PCDHGA5: variants seen among roughly 807,000 people sequenced by gnomAD.
PCDHGA5 encodes the protein protocadherin gamma subfamily A, 5, also known as protocadherin gamma-A5.
Under a neutral mutation model 56.7 loss-of-function variants are expected in PCDHGA5, and 36 were observed. That is an observed-to-expected ratio of 0.64 (90% CI 0.49 to 0.84). PCDHGA5 has a LOEUF of 0.84. Ranked by LOEUF, PCDHGA5 falls within the 40% of genes least tolerant of loss-of-function variation. The probability of loss-of-function intolerance (pLI) is 0.00; values close to 1 mark genes in which losing one functional copy is unlikely to be tolerated. For synonymous variants in PCDHGA5, 563 were observed against 520.2 expected, an observed-to-expected ratio of 1.08 and a Z score of -1.12; for missense variants, 1,305 against 1,201.5, an observed-to-expected ratio of 1.09 and a Z score of -1.27.
At chr5:141,385,079 C>A in intron 1 of PCDHGA5, 1 of 1,614,226 alleles carries the variant, frequency 6.2e-7, no homozygotes, top group Non-Finnish European at 8.5e-7. Context: ...CTGCTGCAGG[C>A]TTCAGAAGGT....
rs72790032 is a variant in PCDHGA5 at position 141,393,544 on chromosome 5, A to G, written c.2421+26793A>G. On this transcript the variant is annotated intron_variant, in intron 1 of 3. Coordinates refer to ENST00000518069, the MANE Select transcript of PCDHGA5 (RefSeq NM_018918.3). ...AATGACAATGCCCCGGTTTTTCCTC[A>G]CCCGATTTACCGAGTGAAAGTCCTT... 18,579 of 1,613,800 alleles carry G rather than the reference A, an allele frequency of 0.012. 149 individuals carry two copies. The highest frequency in any genetic ancestry group is 0.014 in the Non-Finnish European group (16,983 of 1,179,880).
rs1317111249 is a variant in PCDHGA5, at chr5:141,413,333, C to A, written c.2421+46582C>A. 3.1e-6 allele frequency: 5 copies of A among 1,613,966 alleles called. No individual in the cohort carries two copies. The Admixed American group carries it at 6.7e-5, about 22-fold the overall frequency. On this transcript the variant is annotated intron_variant, in intron 1 of 3. Coordinates refer to ENST00000518069, the MANE Select transcript of PCDHGA5 (RefSeq NM_018918.3). ...AAAGGCTCTTTCGTGGGCAACATCTCCAAGGACTTGGGTCTGGCGCCCCGG... is the reference window on the plus strand; with the variant it reads ...AAAGGCTCTTTCGTGGGCAACATCTACAAGGACTTGGGTCTGGCGCCCCGG...
intron 2 of PCDHGA5, among the ~76,000 whole-genome samples, chr5:141,496,206 A>C (rs2099766963): frequency 6.6e-6 from 1 of 152,126 alleles, no homozygotes; most frequent in South Asian, 2.1e-4. Context: ...TCAATCTGGT[A>C]TGAATTCCTG....
chr5:141,372,098 G>C (rs2149999180), intron 1 of PCDHGA5: 1 of 1,613,794 alleles, frequency 6.2e-7, no homozygotes, highest in Middle Eastern at 1.7e-4. Flanking sequence ...CAGCTCTGGG[G>C]CCCGAAGGCT....
chr5:141,418,080 A>T (rs1590086455), intron 1 of PCDHGA5: 1 of 1,614,046 alleles, frequency 6.2e-7, no homozygotes, highest in East Asian at 2.2e-5. Flanking sequence ...GAGAAGCTGC[A>T]CTTCAGCGTA....
intron 1 of PCDHGA5, chr5:141,394,844 T>C (rs2093111751): frequency 6.2e-7 from 1 of 1,613,752 alleles, no homozygotes. Context: ...AGTTGGGCAG[T>C]CTGAAGCCTT....
At position 141,375,585 on chromosome 5, in the gene PCDHGA5, T is replaced by A. The variant is rs765334095; in HGVS notation, c.2421+8834T>A. 3.1e-6 allele frequency: 5 copies of A among 1,614,014 alleles called. No individual in the cohort carries two copies. The African/African-American group carries it at 6.7e-5, about 22-fold the overall frequency. ...GAAGACACCCTCCAGGGGGCGCCCC[T>A]GTCCTCCTACGTGTCCATCAACTCC... On this transcript the variant is annotated intron_variant, in intron 1 of 3. Transcript: ENST00000518069.
chr5:141,415,210 C>G lies in PCDHGA5; in HGVS notation c.2421+48459C>G, dbSNP rs2095843973. The G allele has an allele frequency of 2.5e-6, 4 of 1,614,068 alleles. No individual in the cohort carries two copies. The highest frequency in any genetic ancestry group is 1.6e-4 in the Middle Eastern group (1 of 6,062). ...CAGCATCCCCCAAGTCCTGGCGGAC[C>G]TCGGCAGCTTCGAGTCTCCAGCTAA... is the stretch of plus-strand genomic sequence containing the variant. On this transcript the variant is annotated intron_variant, in intron 1 of 3. Coordinates refer to ENST00000518069, the MANE Select transcript of PCDHGA5 (RefSeq NM_018918.3).
intron 1 of PCDHGA5, among the ~76,000 whole-genome samples, chr5:141,464,885 G>T (rs1592925315): frequency 6.6e-6 from 1 of 152,020 alleles, no homozygotes; most frequent in East Asian, 1.9e-4. Flanking sequence ...ACTACAGATG[G>T]ATGCCACCAT....
Position 141,404,829 on chromosome 5 carries a change from T to C in PCDHGA5, c.2421+38078T>C. Reference sequence around the variant, plus strand: ...TCGGTGGGGCTGCACACAGGTGAAGTGCGCACAGCTCGGGCCCTGCTAGAT... The same window carrying C: ...TCGGTGGGGCTGCACACAGGTGAAGCGCGCACAGCTCGGGCCCTGCTAGAT... On this transcript the variant is annotated intron_variant, in intron 1 of 3. Transcript: ENST00000518069. 1.9e-6 allele frequency: 3 copies of C among 1,608,020 alleles called. No individual in the cohort carries two copies. The South Asian group carries it at 3.3e-5, about 18-fold the overall frequency.
chr5:141,381,834 T>TTCTTTCTTTCTTTCTTTCTTCTTC, intron 1 of PCDHGA5, among the ~76,000 whole-genome samples: 1 of 140,162 alleles, frequency 7.1e-6, no homozygotes, highest in African/African-American at 2.8e-5. Flanking sequence ...TTCTTTTTTT[T>TTCTTTCTTTCTTTCTTTCTTCTTC]TTTTTTTTTT....
chr5:141,466,552 G>C lies in PCDHGA5; in HGVS notation c.2422-28255G>C, dbSNP rs913019489. On this transcript the variant is annotated intron_variant, in intron 1 of 3. Coordinates refer to ENST00000518069, the MANE Select transcript of PCDHGA5 (RefSeq NM_018918.3). ...ATTGATGTAGATGGTCTTTTGCTGTGGGCTTCATCTTCAACATTGTCTCAT... is the reference window on the plus strand; with the variant it reads ...ATTGATGTAGATGGTCTTTTGCTGTCGGCTTCATCTTCAACATTGTCTCAT... 2.6e-5 allele frequency among the ~76,000 whole-genome samples: 4 copies of C among 152,144 alleles called. No homozygotes were observed. The South Asian group carries it at 8.3e-4, about 32-fold the overall frequency.
chr5:141,476,766 T>C lies in PCDHGA5; in HGVS notation c.2422-18041T>C. ...AGTCTCCAGTTAGTGCTGACGGCGT[T>C]GGACGGAGGGACCCCAGCTCTCTCC... On this transcript the variant is annotated intron_variant, in intron 1 of 3. Coordinates refer to ENST00000518069, the MANE Select transcript of PCDHGA5 (RefSeq NM_018918.3). This position sits in a 1 kb window ranked among gnomAD's most constrained non-coding sequence, Gnocchi z 7.6. The C allele has an allele frequency of 1.9e-6, 3 of 1,613,626 alleles. No individual in the cohort carries two copies. The highest frequency in any genetic ancestry group is 2.5e-6 in the Non-Finnish European group (3 of 1,179,952).
chr5:141,501,508 C>A (rs1378333182), intron 2 of PCDHGA5, among the ~76,000 whole-genome samples: 1 of 151,960 alleles, frequency 6.6e-6, no homozygotes, highest in Non-Finnish European at 1.5e-5. Flanking sequence ...GGCTCCAAGG[C>A]CTCCAAGCTG....
At position 141,485,651 on chromosome 5, in the gene PCDHGA5, G is replaced by A. The variant is rs752827268; in HGVS notation, c.2422-9156G>A. The A allele has an allele frequency of 6.8e-6, 11 of 1,612,228 alleles. No individual in the cohort carries two copies. The Admixed American group carries it at 1.3e-4, about 20-fold the overall frequency. ...TTTCCCGTTGGAAAAGGCTCAGGATGCAGATGTGGGGAGCAATTCGATTAG... is the reference window on the plus strand; with the variant it reads ...TTTCCCGTTGGAAAAGGCTCAGGATACAGATGTGGGGAGCAATTCGATTAG... On this transcript the variant is annotated intron_variant, in intron 1 of 3. Transcript: ENST00000518069. This position sits in a 1 kb window ranked among gnomAD's most constrained non-coding sequence, Gnocchi z 5.7.
chr5:141,384,754 G>A, intron 1 of PCDHGA5: 1 of 1,614,042 alleles, frequency 6.2e-7, no homozygotes, highest in Non-Finnish European at 8.5e-7. Flanking sequence ...ACTCTTTGCG[G>A]TTGGGCTGTA....
intron 1 of PCDHGA5, chr5:141,394,859 C>T: frequency 6.2e-7 from 1 of 1,613,758 alleles, no homozygotes; most frequent in Non-Finnish European, 8.5e-7. Context: ...AGCCTTCGGT[C>T]GACCCGAACG....
intron 1 of PCDHGA5, chr5:141,389,674 G>T (rs763404625): frequency 1.2e-6 from 2 of 1,612,448 alleles, no homozygotes; most frequent in Admixed American, 3.3e-5. Flanking sequence ...GCAGACTCAG[G>T]ACACAACGCC....
chr5:141,507,196 CCAGAT>C (rs2099859095), intron 3 of PCDHGA5: 1 of 152,374 alleles, frequency 6.6e-6, no homozygotes, highest in Non-Finnish European at 1.5e-5. Context: ...CTTTATTCTT[CCAGAT>C]CAGGGTTGCC....
Sources: gnomAD v4.1 joint callset for allele counts (sites outside exome capture counted in the v4.1 genomes callset) on GRCh38, gnomAD v4.1.1 for gene constraint, Gnocchi (gnomAD v3.1) non-coding constraint, MANE v1.5 for transcripts, NCBI Gene and HGNC (gene_info 2026-07-23, HGNC 2026-07-21) for gene names.